Variants in SIPA1L1 observed in about 807,000 individuals in gnomAD.
SIPA1L1 encodes the protein signal-induced proliferation-associated 1-like protein 1.
SIPA1L1 carries 26 observed loss-of-function variants against 162.7 expected under a neutral mutation model. The observed-to-expected ratio is 0.16, with a 90% CI of 0.12 to 0.22. The LOEUF is 0.22. Ranked by LOEUF, SIPA1L1 falls within the 10% of genes least tolerant of loss-of-function variation. SIPA1L1 has a pLI of 1.00. For missense variants in SIPA1L1, 1,874 were observed against 2,241.0 expected (o/e 0.84, Z 3.31); for synonymous variants, 829 against 837.4 (o/e 0.99, Z 0.17).
At chr14:71,463,211 TA>T (rs2046740487) in intron 2 of SIPA1L1, among the ~76,000 whole-genome samples, 1 of 152,246 alleles carries the variant, frequency 6.6e-6, no homozygotes. Flanking sequence ...GAGGCAGCTC[TA>T]ATGGCTTCCA....
chr14:71,511,451 A>C (rs2051141308), intron 2 of SIPA1L1, among the ~76,000 whole-genome samples: 1 of 151,690 alleles, frequency 6.6e-6, no homozygotes, highest in Non-Finnish European at 1.5e-5. Flanking sequence ...TGCCTGGCTA[A>C]ATTTTTTATT....
At chr14:71,344,978 T>A (rs142813915) in intron 2 of SIPA1L1, among the ~76,000 whole-genome samples, 2 of 152,336 alleles carry the variant, frequency 1.3e-5, no homozygotes, top group African/African-American at 2.4e-5. Context: ...AAAATAAATG[T>A]CATCTGCACT....
In SIPA1L1 at chr14:71,702,410, C is replaced by T; in HGVS notation, c.3551C>T (p.Ser1184Phe). ...GGAGTGAGCCGTAGATCCCCAGCCT[C>T]CATTGACAGGCAGAACACCCAGTCA... Reference protein sequence around the residue: ...GFGVSRRSPASIDRQNTQSDI... With the variant: ...GFGVSRRSPAFIDRQNTQSDI... Residue 1184 changes from serine (S) to phenylalanine (F), a missense_variant, in exon 15 of 24, where the codon TCC becomes TTC. Physicochemically the swap from Ser to Phe is radical, Grantham distance 155. Coordinates refer to ENST00000381232, the MANE Select transcript of SIPA1L1 (RefSeq NM_001386936.1). 6.2e-7 allele frequency: 1 copy of T among 1,614,134 alleles called. No individual in the cohort carries two copies. The highest frequency in any genetic ancestry group is 8.5e-7 in the Non-Finnish European group (1 of 1,179,968).
At chr14:71,388,636 A>G (rs565769340) in intron 2 of SIPA1L1, among the ~76,000 whole-genome samples, 1 of 152,338 alleles carries the variant, frequency 6.6e-6, no homozygotes, top group South Asian at 2.1e-4. Context: ...GATAGAGAGA[A>G]TGAGAGGCTA....
chr14:71,354,577 C>G (rs377703489), intron 2 of SIPA1L1, among the ~76,000 whole-genome samples: 1 of 150,582 alleles, frequency 6.6e-6, no homozygotes, highest in Non-Finnish European at 1.5e-5. Flanking sequence ...GCGCCTGGCC[C>G]GATACTTCAT....
chr14:71,625,379 A>G (rs983597468), intron 7 of SIPA1L1, among the ~76,000 whole-genome samples: 1 of 151,132 alleles, frequency 6.6e-6, no homozygotes, highest in African/African-American at 2.4e-5. Flanking sequence ...AGCTCACTGC[A>G]ACCTCTGCCT....
chr14:71,666,728 T>G (rs754231141), intron 10 of SIPA1L1, among the ~76,000 whole-genome samples: 12 of 152,112 alleles, frequency 7.9e-5, no homozygotes, highest in Non-Finnish European at 1.2e-4. Context: ...CACTTGGAAT[T>G]AGACCAAATT....
At chr14:71,474,977 T>G in intron 2 of SIPA1L1, among the ~76,000 whole-genome samples, 1 of 152,194 alleles carries the variant, frequency 6.6e-6, no homozygotes, top group East Asian at 1.9e-4. Context: ...TTCTTTTGAA[T>G]GTAGAATGTC....
intron 2 of SIPA1L1, among the ~76,000 whole-genome samples, chr14:71,464,785 G>C (rs2046864758): frequency 6.6e-6 from 1 of 152,102 alleles, no homozygotes; most frequent in South Asian, 2.1e-4. Flanking sequence ...CTGTTCTCCA[G>C]ATTTCTGTTG....
At chr14:71,520,484 A>T (rs906865786) in intron 3 of SIPA1L1, among the ~76,000 whole-genome samples, 2 of 152,098 alleles carry the variant, frequency 1.3e-5, no homozygotes, top group Non-Finnish European at 2.9e-5. Flanking sequence ...CAAAAATTGG[A>T]CTCATCTATG....
chr14:71,504,564 A>G (rs965045359), intron 2 of SIPA1L1, among the ~76,000 whole-genome samples: 2 of 152,170 alleles, frequency 1.3e-5, no homozygotes, highest in Admixed American at 6.5e-5. Context: ...TGTAAGGCAC[A>G]CCATTATCTT....
At chr14:71,614,395 A>C (rs1477276275) in intron 5 of SIPA1L1, among the ~76,000 whole-genome samples, 1 of 152,170 alleles carries the variant, frequency 6.6e-6, no homozygotes, top group Non-Finnish European at 1.5e-5. Flanking sequence ...GAAAAAAAAG[A>C]CAGTGGACCA....
intron 5 of SIPA1L1, among the ~76,000 whole-genome samples, chr14:71,604,101 G>C (rs2037191172): frequency 6.7e-6 from 1 of 149,848 alleles, no homozygotes; most frequent in South Asian, 2.1e-4. Context: ...AGGCTCAAGT[G>C]ATCCTCCTGC....
chr14:71,717,544 ACT>A (rs2150119711), intron 17 of SIPA1L1, among the ~76,000 whole-genome samples: 1 of 152,304 alleles, frequency 6.6e-6, no homozygotes, highest in East Asian at 1.9e-4. Flanking sequence ...ACAAGATTTA[ACT>A]CTCTGTGAGT....
At chr14:71,385,235 A>T (rs2040221139) in intron 2 of SIPA1L1, among the ~76,000 whole-genome samples, 1 of 152,230 alleles carries the variant, frequency 6.6e-6, no homozygotes, top group African/African-American at 2.4e-5. Flanking sequence ...GTCTTCCTCA[A>T]CATGGTCAAG....
At chr14:71,579,421 C>T (rs2033598597) in intron 4 of SIPA1L1, among the ~76,000 whole-genome samples, 1 of 151,786 alleles carries the variant, frequency 6.6e-6, no homozygotes, top group Non-Finnish European at 1.5e-5. Flanking sequence ...CTGTGTTGTT[C>T]AAGGGTCAGC....
intron 2 of SIPA1L1, among the ~76,000 whole-genome samples, chr14:71,367,900 C>T (rs2038491623): frequency 6.7e-6 from 1 of 149,248 alleles, no homozygotes; most frequent in South Asian, 2.1e-4. Context: ...AGCCAGCGTG[C>T]CGGCCTTCCT....
intron 7 of SIPA1L1, among the ~76,000 whole-genome samples, chr14:71,629,922 A>G (rs1259289800): frequency 5.9e-5 from 9 of 152,252 alleles, no homozygotes; most frequent in Admixed American, 5.9e-4. Flanking sequence ...GACATGAATG[A>G]AATTCTCTGC....
intron 7 of SIPA1L1, among the ~76,000 whole-genome samples, chr14:71,629,200 G>A (rs2040332998): frequency 6.6e-6 from 1 of 152,196 alleles, no homozygotes; most frequent in Non-Finnish European, 1.5e-5. Context: ...GCCTCCCAAA[G>A]TGCTGGGATT....
Sources: gnomAD v4.1 joint callset for allele counts (sites outside exome capture counted in the v4.1 genomes callset) on GRCh38, gnomAD v4.1.1 for gene constraint, MANE v1.5 for transcripts, NCBI Gene and HGNC (gene_info 2026-07-23, HGNC 2026-07-21) for gene names.